C6: variants seen among roughly 807,000 people sequenced by gnomAD.
C6 encodes complement component C6.
A neutral mutation model predicts 112.9 loss-of-function variants in C6; 101 were observed. The observed-to-expected ratio is 0.89, with a 90% confidence interval of 0.76 to 1.06. The LOEUF (loss-of-function observed/expected upper bound fraction) is 1.06. C6 is among the 50% of genes least tolerant of loss of function. The pLI is 0.00. For synonymous variants in C6, 431 were observed against 384.1 expected, an observed-to-expected ratio of 1.12 and a Z score of -1.43; for missense variants, 1,202 against 1,104.6, an observed-to-expected ratio of 1.09 and a Z score of -1.25.
chr5:41,249,940 G>A (rs965409324), intron 1 of C6, among the ~76,000 whole-genome samples: 18 of 152,236 alleles, frequency 1.2e-4, no homozygotes, highest in African/African-American at 4.1e-4. Context: ...AAACATGGAT[G>A]GACAGCTTTT....
intron 1 of C6, among the ~76,000 whole-genome samples, chr5:41,237,077 A>C (rs1297054611): frequency 1.4e-5 from 2 of 141,996 alleles, no homozygotes; most frequent in African/African-American, 5.3e-5. Flanking sequence ...AAATTGTGGC[A>C]ATAATCAATA....
chr5:41,240,423 G>A (rs557570818), intron 1 of C6, among the ~76,000 whole-genome samples: 2 of 152,268 alleles, frequency 1.3e-5, no homozygotes, highest in East Asian at 3.9e-4. Flanking sequence ...AGATGGGTGA[G>A]TCCTTGGGCC....
chr5:41,211,730 G>T (rs553373470), intron 1 of C6, among the ~76,000 whole-genome samples: 6 of 151,170 alleles, frequency 4.0e-5, no homozygotes, highest in East Asian at 3.9e-4. Flanking sequence ...CTTTGTTGTT[G>T]TTTTTTTTTC....
At chr5:41,224,872 GTATTAGGGTTCCAAT>G (rs1159255412) in intron 1 of C6, among the ~76,000 whole-genome samples, 1 of 152,084 alleles carries the variant, frequency 6.6e-6, no homozygotes, top group Non-Finnish European at 1.5e-5. Flanking sequence ...TACCAGCAAG[GTATTAGGGTTCCAAT>G]TTCTTTGCAT....
rs945229814 is a variant in C6, at chr5:41,160,123, A to G, written c.1684+19T>C. 4 of 1,584,658 alleles carry G rather than the reference A, an allele frequency of 2.5e-6. No homozygotes were observed. In the African/African-American group the frequency reaches 4.0e-5, roughly 16 times the overall value. ...GAGGGGAAAACTTATCTACCTCACA[A>G]TAGATTCCTGATACTTACTGGATTT... On this transcript the variant is annotated intron_variant, in intron 11 of 17. Transcript: ENST00000337836.
At chr5:41,181,282 C>G in intron 7 of C6, 77 bp downstream of exon 7, 1 of 1,311,074 alleles carries the variant, frequency 7.6e-7, no homozygotes, top group Non-Finnish European at 1.1e-6. Flanking sequence ...CAAAACTCTC[C>G]CCTTCTTATT....
At chr5:41,230,732 G>T (rs547196629) in intron 1 of C6, among the ~76,000 whole-genome samples, 1 of 152,078 alleles carries the variant, frequency 6.6e-6, no homozygotes, top group East Asian at 1.9e-4. Flanking sequence ...TAATAAAAAC[G>T]TGCTGGTTTT....
intron 13 of C6, among the ~76,000 whole-genome samples, chr5:41,157,742 G>T (rs923923462): frequency 6.6e-6 from 1 of 152,172 alleles, no homozygotes; most frequent in Admixed American, 6.6e-5. Flanking sequence ...TCAGAAACTC[G>T]AGGAGTGAGA....
intron 1 of C6, among the ~76,000 whole-genome samples, chr5:41,244,674 G>A (rs1033674418): frequency 3.3e-5 from 5 of 151,978 alleles, no homozygotes; most frequent in South Asian, 4.2e-4. Context: ...ATGTCCCCAG[G>A]GGAAGAGCAC....
chr5:41,173,517 G>C (rs185909215), intron 8 of C6, among the ~76,000 whole-genome samples: 1 of 152,258 alleles, frequency 6.6e-6, no homozygotes, highest in African/African-American at 2.4e-5. Context: ...CTAAAATCCA[G>C]CTCTTTTGAT....
intron 6 of C6, 128 bp from the exon 7 acceptor site, chr5:41,181,687 AGAG>A: frequency 1.3e-6 from 1 of 790,704 alleles, no homozygotes; most frequent in Non-Finnish European, 2.1e-6. Flanking sequence ...ACATTTTGCT[AGAG>A]AACAAAGAAT....
At chr5:41,170,024 T>G (rs369367849) in intron 9 of C6, among the ~76,000 whole-genome samples, 1 of 152,176 alleles carries the variant, frequency 6.6e-6, no homozygotes, top group Non-Finnish European at 1.5e-5. Flanking sequence ...TTTCTAGAAT[T>G]TGTCTTGAAG....
chr5:41,162,647 G>A (rs1747629699), intron 9 of C6, among the ~76,000 whole-genome samples: 1 of 152,200 alleles, frequency 6.6e-6, no homozygotes, highest in African/African-American at 2.4e-5. Context: ...AAGAAGGCTA[G>A]TGATATGAGC....
intron 1 of C6, among the ~76,000 whole-genome samples, chr5:41,251,641 G>C (rs1348495181): frequency 6.6e-6 from 1 of 152,190 alleles, no homozygotes; most frequent in Non-Finnish European, 1.5e-5. Context: ...TTTCTCCCAA[G>C]TTAAGAAAAG....
chr5:41,249,304 TA>T (rs907859391), intron 1 of C6, among the ~76,000 whole-genome samples: 12 of 152,026 alleles, frequency 7.9e-5, no homozygotes, highest in South Asian at 6.2e-4. Context: ...GAAATTACAT[TA>T]AAAAAAAGTC....
intron 1 of C6, among the ~76,000 whole-genome samples, chr5:41,210,132 A>G (rs1751778559): frequency 6.6e-6 from 1 of 152,242 alleles, no homozygotes. Flanking sequence ...TTCTTTATTT[A>G]ATAAATGGTG....
upstream of C6, among the ~76,000 whole-genome samples, chr5:41,214,796 T>C (rs1580211839): frequency 6.6e-6 from 1 of 152,166 alleles, no homozygotes; most frequent in Non-Finnish European, 1.5e-5. Context: ...GAAGTCATAA[T>C]ACAGAGAGAT....
intron 5 of C6, 68 bp downstream of exon 5, chr5:41,195,724 C>A: frequency 1.3e-6 from 2 of 1,489,146 alleles, no homozygotes; most frequent in South Asian, 1.1e-5. Context: ...TGATGTATCT[C>A]ATTGCTCCCT....
intron 1 of C6, among the ~76,000 whole-genome samples, chr5:41,250,269 T>A (rs1741267638): frequency 6.6e-6 from 1 of 152,192 alleles, no homozygotes; most frequent in Non-Finnish European, 1.5e-5. Flanking sequence ...CACCAAACTC[T>A]GCGGAATTTG....
Sources: allele counts gnomAD v4.1 joint callset (sites outside exome capture counted in the v4.1 genomes callset), GRCh38; gene constraint gnomAD v4.1.1; transcripts MANE v1.5; gene names NCBI Gene and HGNC (gene_info 2026-07-23, HGNC 2026-07-21).